NKAIN2: variants seen among roughly 807,000 people sequenced by gnomAD.
The protein encoded by NKAIN2 is sodium/potassium transporting ATPase interacting 2, also known as sodium/potassium-transporting ATPase subunit beta-1-interacting protein 2.
NKAIN2 carries 14 observed loss-of-function variants against 32.6 expected under a neutral mutation model. That is an observed-to-expected ratio of 0.43 (90% confidence interval 0.28 to 0.67). NKAIN2 has a LOEUF of 0.67. NKAIN2 is among the 30% of genes least tolerant of loss of function. The probability of loss-of-function intolerance (pLI) is 0.17; values close to 1 mark genes in which losing one functional copy is unlikely to be tolerated. For synonymous variants in NKAIN2, 80 were observed against 87.2 expected (o/e 0.92, Z 0.46); for missense variants, 198 against 258.3 (o/e 0.77, Z 1.60).
chr6:124,500,149 A>G (rs1179531904), intron 3 of NKAIN2, among the ~76,000 whole-genome samples: 1 of 152,208 alleles, frequency 6.6e-6, no homozygotes, highest in Non-Finnish European at 1.5e-5. Context: ...TTGTTCAACT[A>G]AATATTTTCC....
intron 3 of NKAIN2, among the ~76,000 whole-genome samples, chr6:124,534,053 A>G (rs1381725711): frequency 6.6e-6 from 1 of 152,234 alleles, no homozygotes; most frequent in Non-Finnish European, 1.5e-5. Context: ...TGGAAGGGAC[A>G]CAAATATTTA....
intron 1 of NKAIN2, among the ~76,000 whole-genome samples, chr6:124,015,270 C>G (rs779698447): frequency 1.3e-5 from 2 of 152,152 alleles, no homozygotes; most frequent in Non-Finnish European, 2.9e-5. Flanking sequence ...ATCCCTTTCT[C>G]TTTGTGAGTG....
intron 2 of NKAIN2, among the ~76,000 whole-genome samples, chr6:124,314,418 A>G (rs1796850012): frequency 1.3e-5 from 2 of 152,138 alleles, no homozygotes; most frequent in African/African-American, 4.8e-5. Context: ...CTTGGATTGG[A>G]AAATGTGCTC....
rs761509015 is a variant in NKAIN2, at chr6:124,155,575, CAT to C, written c.55-127427_55-127426del. 2.0e-3 allele frequency among the ~76,000 whole-genome samples: 301 copies of C among 150,362 alleles called. 1 individual carries two copies. The highest frequency in any genetic ancestry group is 3.7e-3 in the Non-Finnish European group (252 of 67,720). On this transcript the variant is annotated intron_variant, in intron 1 of 6. Coordinates refer to ENST00000368417, the MANE Select transcript of NKAIN2 (RefSeq NM_001040214.3). Reference sequence around the variant, plus strand: ...TCTTATTTAGGATAGATGATGAAAACATATGTGTGTAATATATGCTATCTTTT... The same window carrying C: ...TCTTATTTAGGATAGATGATGAAAACATGTGTGTAATATATGCTATCTTTT...
chr6:123,927,042 G>T (rs570740707), intron 1 of NKAIN2, among the ~76,000 whole-genome samples: 1 of 152,330 alleles, frequency 6.6e-6, no homozygotes, highest in South Asian at 2.1e-4. Flanking sequence ...GAGAGAAAGT[G>T]CTGTGTTACA....
At chr6:124,230,727 T>A (rs1792403043) in intron 1 of NKAIN2, among the ~76,000 whole-genome samples, 1 of 152,138 alleles carries the variant, frequency 6.6e-6, no homozygotes, top group Non-Finnish European at 1.5e-5. Flanking sequence ...GCACCGAAGT[T>A]AAGAATTGGA....
chr6:124,014,276 C>G (rs1171343501), intron 1 of NKAIN2, among the ~76,000 whole-genome samples: 1 of 152,092 alleles, frequency 6.6e-6, no homozygotes, highest in Admixed American at 6.6e-5. Flanking sequence ...TAATGTCCAC[C>G]TACAAATATA....
chr6:124,808,680 A>T (rs1780719839), intron 5 of NKAIN2, among the ~76,000 whole-genome samples: 1 of 152,240 alleles, frequency 6.6e-6, no homozygotes, highest in African/African-American at 2.4e-5. Context: ...ATAGGAAAAG[A>T]GGAAGTCAAA....
At chr6:124,534,033 C>T (rs555514427) in intron 3 of NKAIN2, among the ~76,000 whole-genome samples, 89 of 152,206 alleles carry the variant, frequency 5.8e-4, no homozygotes, top group African/African-American at 2.0e-3. Flanking sequence ...AGGATTTCAA[C>T]GTATGAATTT....
At chr6:124,299,477 A>C (rs947210300) in intron 2 of NKAIN2, among the ~76,000 whole-genome samples, 3 of 152,124 alleles carry the variant, frequency 2.0e-5, no homozygotes, top group Admixed American at 6.5e-5. Context: ...GATTTTTTTT[A>C]AAGAGTGGTA....
intron 3 of NKAIN2, among the ~76,000 whole-genome samples, chr6:124,458,087 A>C (rs1776391107): frequency 6.6e-6 from 1 of 152,010 alleles, no homozygotes; most frequent in Non-Finnish European, 1.5e-5. Flanking sequence ...TTTGCTTAAA[A>C]TAATTATATT....
chr6:124,814,305 T>C (rs1038522816), intron 5 of NKAIN2, among the ~76,000 whole-genome samples: 3 of 152,208 alleles, frequency 2.0e-5, no homozygotes, highest in Non-Finnish European at 4.4e-5. Flanking sequence ...GTACACTGTC[T>C]CCTTGGCTGT....
intron 4 of NKAIN2, among the ~76,000 whole-genome samples, chr6:124,708,521 G>T (rs577235623): frequency 2.0e-5 from 3 of 152,076 alleles, no homozygotes; most frequent in Non-Finnish European, 4.4e-5. Context: ...ATTTCACTGA[G>T]CAGTGGTTTG....
chr6:123,903,712 T>C (rs985401358), intron 1 of NKAIN2, among the ~76,000 whole-genome samples: 6 of 152,202 alleles, frequency 3.9e-5, no homozygotes, highest in Non-Finnish European at 7.3e-5. Flanking sequence ...GACCTAATTA[T>C]CTTCTTATTT....
chr6:123,913,264 C>G (rs1204927710), intron 1 of NKAIN2, among the ~76,000 whole-genome samples: 1 of 152,042 alleles, frequency 6.6e-6, no homozygotes, highest in Non-Finnish European at 1.5e-5. Context: ...AACATGAAAA[C>G]AAATAGGGCC....
chr6:124,811,398 A>C (rs1582566735), intron 5 of NKAIN2, among the ~76,000 whole-genome samples: 1 of 152,320 alleles, frequency 6.6e-6, no homozygotes, highest in Non-Finnish European at 1.5e-5. Context: ...TATTTAATAA[A>C]ACAGTTTTAA....
intron 1 of NKAIN2, among the ~76,000 whole-genome samples, chr6:124,128,515 A>G (rs2115001393): frequency 6.6e-6 from 1 of 152,300 alleles, no homozygotes; most frequent in Middle Eastern, 3.4e-3. Flanking sequence ...TACCCTTAAT[A>G]TTAACTATTT....
chr6:124,625,010 T>TAAGA (rs1021326308), intron 3 of NKAIN2, among the ~76,000 whole-genome samples: 1 of 152,174 alleles, frequency 6.6e-6, no homozygotes, highest in African/African-American at 2.4e-5. Context: ...AGTTCTATAC[T>TAAGA]AAGATAATTA....
intron 1 of NKAIN2, among the ~76,000 whole-genome samples, chr6:124,247,392 T>C (rs767435463): frequency 6.6e-5 from 10 of 152,134 alleles, no homozygotes; most frequent in African/African-American, 1.2e-4. Flanking sequence ...CAAGAAATGA[T>C]AGTGAAGTGA....
Sources: allele counts gnomAD v4.1 joint callset (sites outside exome capture counted in the v4.1 genomes callset), GRCh38; gene constraint gnomAD v4.1.1; transcripts MANE v1.5; gene names NCBI Gene and HGNC (gene_info 2026-07-23, HGNC 2026-07-21).